Variants in HSD17B12 observed in about 807,000 individuals in gnomAD.
The protein encoded by HSD17B12 is very-long-chain 3-oxoacyl-CoA reductase.
HSD17B12 carries 32 observed loss-of-function variants against 39.3 expected under a neutral mutation model. That is an observed-to-expected ratio of 0.81 (90% CI 0.61 to 1.09). The LOEUF (loss-of-function observed/expected upper bound fraction) is 1.09. Among genes scored for constraint, HSD17B12 ranks in the 50% least tolerant of loss-of-function variants. The pLI is 0.00. For synonymous variants in HSD17B12, 150 were observed against 146.7 expected (o/e 1.02, Z -0.16); for missense variants, 342 against 382.9 (o/e 0.89, Z 0.89).
the HSD17B12 span, among the ~76,000 whole-genome samples, chr11:43,623,370 C>T: frequency 6.7e-6 from 1 of 150,160 alleles, no homozygotes; most frequent in African/African-American, 2.4e-5. Flanking sequence ...GAATGATAAG[C>T]AAAGCATTAA....
intron 3 of HSD17B12, among the ~76,000 whole-genome samples, chr11:43,789,154 T>C (rs773717384): frequency 8.5e-5 from 13 of 152,234 alleles, no homozygotes; most frequent in Non-Finnish European, 1.3e-4. Flanking sequence ...ACACAAATGT[T>C]ACCTAGTAGG....
At chr11:43,828,575 C>T (rs1951274251) in intron 6 of HSD17B12, among the ~76,000 whole-genome samples, 1 of 151,184 alleles carries the variant, frequency 6.6e-6, no homozygotes, top group African/African-American at 2.4e-5. Context: ...ACTGAACTTG[C>T]AAGTTATGGT....
intron 7 of HSD17B12, chr11:43,838,048 G>A (rs1012726175): frequency 3.6e-5 from 15 of 420,874 alleles, no homozygotes; most frequent in Admixed American, 3.1e-4. Context: ...AGATCAACTC[G>A]AGGAGACTGG....
intron 1 of HSD17B12, among the ~76,000 whole-genome samples, chr11:43,726,520 A>G (rs918277026): frequency 3.9e-5 from 6 of 152,202 alleles, no homozygotes; most frequent in African/African-American, 1.4e-4. Flanking sequence ...GCTTTATCAT[A>G]TTTCAGAGAC....
At chr11:43,821,865 G>T (rs1194916772) in intron 6 of HSD17B12, among the ~76,000 whole-genome samples, 1 of 152,156 alleles carries the variant, frequency 6.6e-6, no homozygotes, top group Non-Finnish European at 1.5e-5. Flanking sequence ...TTCTGGGCCA[G>T]ATTATTCTTT....
chr11:43,779,800 T>C (rs1950746799), intron 3 of HSD17B12, among the ~76,000 whole-genome samples: 1 of 152,200 alleles, frequency 6.6e-6, no homozygotes, highest in Non-Finnish European at 1.5e-5. Context: ...GGCAAAATAT[T>C]TTCCACATGA....
intron 3 of HSD17B12, among the ~76,000 whole-genome samples, chr11:43,788,136 CTT>C (rs78069623): frequency 0.052 from 7,903 of 152,228 alleles, 223 homozygotes; most frequent in African/African-American, 0.06. Context: ...AAGAATATCT[CTT>C]TTTGCTTTCT....
chr11:43,587,519 A>T, the HSD17B12 span, among the ~76,000 whole-genome samples: 1 of 151,830 alleles, frequency 6.6e-6, no homozygotes, highest in Non-Finnish European at 1.5e-5. Flanking sequence ...TTGCATTTTT[A>T]TTGTGATTTT....
intron 1 of HSD17B12, among the ~76,000 whole-genome samples, chr11:43,744,251 C>A (rs1331733192): frequency 6.6e-6 from 1 of 151,990 alleles, no homozygotes; most frequent in Non-Finnish European, 1.5e-5. Context: ...AATTTTAAGA[C>A]CCACCAATGC....
At chr11:43,755,014 T>A (rs1329235213) in intron 3 of HSD17B12, 1 of 596,376 alleles carries the variant, frequency 1.7e-6, no homozygotes, top group Non-Finnish European at 3.0e-6. Flanking sequence ...TGACCATTTG[T>A]GGCCAGGAAG....
At chr11:43,642,463 T>A in the HSD17B12 span, among the ~76,000 whole-genome samples, 4 of 151,786 alleles carry the variant, frequency 2.6e-5, no homozygotes, top group African/African-American at 7.2e-5. Context: ...AAAAAATGAC[T>A]AATCTCCTAA....
At chr11:43,700,598 A>G (rs1381049964) in intron 1 of HSD17B12, among the ~76,000 whole-genome samples, 1 of 152,136 alleles carries the variant, frequency 6.6e-6, no homozygotes, top group Non-Finnish European at 1.5e-5. Flanking sequence ...TTTGTCTTCT[A>G]TGCCTGACTT....
the HSD17B12 span, among the ~76,000 whole-genome samples, chr11:43,612,610 T>C: frequency 6.6e-6 from 1 of 152,244 alleles, no homozygotes; most frequent in African/African-American, 2.4e-5. Flanking sequence ...TTCACCATGT[T>C]GCCCAGGCTG....
At chr11:43,640,405 A>G in the HSD17B12 span, among the ~76,000 whole-genome samples, 1 of 152,070 alleles carries the variant, frequency 6.6e-6, no homozygotes, top group East Asian at 1.9e-4. Flanking sequence ...AAAGAGGGAG[A>G]AGGAGAAGCA....
chr11:43,681,250 C>A, intron 1 of HSD17B12: 2 of 917,070 alleles, frequency 2.2e-6, no homozygotes, highest in Non-Finnish European at 1.4e-6. Flanking sequence ...GAGAAAACTG[C>A]CTTAAGTCTC....
At chr11:43,681,064 G>GCC in intron 1 of HSD17B12, 77 bp downstream of exon 1, 1 of 1,455,836 alleles carries the variant, frequency 6.9e-7, no homozygotes, top group Non-Finnish European at 9.1e-7. Flanking sequence ...CTAGTTCTGG[G>GCC]GTCTGCTCCT....
the HSD17B12 span, chr11:43,670,431 A>T: frequency 6.6e-6 from 1 of 152,242 alleles, no homozygotes; most frequent in African/African-American, 2.4e-5. Flanking sequence ...GTAGAACGAT[A>T]TACAACATTT....
At chr11:43,731,643 G>T (rs139213851) in intron 1 of HSD17B12, among the ~76,000 whole-genome samples, 196 of 152,268 alleles carry the variant, frequency 1.3e-3, no homozygotes, top group Middle Eastern at 3.4e-3. Flanking sequence ...CAGCCTGCAG[G>T]TTGGTCATCC....
chr11:43,841,964 G>A (rs1020842221), intron 9 of HSD17B12, among the ~76,000 whole-genome samples: 1 of 152,190 alleles, frequency 6.6e-6, no homozygotes, highest in Non-Finnish European at 1.5e-5. Flanking sequence ...ATACAATGGT[G>A]TGATGATGAT....
Sources: allele counts gnomAD v4.1 joint callset (sites outside exome capture counted in the v4.1 genomes callset), GRCh38; gene constraint gnomAD v4.1.1; transcripts MANE v1.5; gene names NCBI Gene and HGNC (gene_info 2026-07-23, HGNC 2026-07-21).